Variants in IFT88 observed in about 807,000 individuals in gnomAD.
IFT88 encodes the protein intraflagellar transport protein 88 homolog.
Under a neutral mutation model 119.5 loss-of-function variants are expected in IFT88, and 74 were observed. The ratio of observed to expected loss-of-function variants is 0.62; its 90% CI spans 0.51 to 0.75. IFT88 has a LOEUF of 0.75. Among genes scored for constraint, IFT88 ranks in the 30% least tolerant of loss-of-function variants. The pLI is 0.00. For synonymous variants in IFT88, 279 were observed against 316.7 expected (o/e 0.88, Z 1.26); for missense variants, 961 against 977.7 (o/e 0.98, Z 0.23).
At chr13:20,607,484 A>G (rs1200486188) in intron 13 of IFT88, 1 of 679,922 alleles carries the variant, frequency 1.5e-6, no homozygotes, top group East Asian at 2.7e-5. Flanking sequence ...CCTGATGGCC[A>G]CGGTCACCAA....
chr13:20,576,527 T>C (rs975934699), intron 2 of IFT88, among the ~76,000 whole-genome samples: 3 of 152,208 alleles, frequency 2.0e-5, no homozygotes, highest in Non-Finnish European at 1.5e-5. Context: ...CCTTCATCCA[T>C]TTTTATTTGA....
intron 2 of IFT88, 110 bp from the exon 3 acceptor site, chr13:20,582,847 T>A: frequency 1.3e-6 from 1 of 755,216 alleles, no homozygotes; most frequent in Non-Finnish European, 2.2e-6. Context: ...TGTCAACAGT[T>A]GGCAATAGAT....
intron 1 of IFT88, among the ~76,000 whole-genome samples, chr13:20,572,511 G>A (rs1375548913): frequency 1.3e-5 from 2 of 152,084 alleles, no homozygotes; most frequent in Admixed American, 6.6e-5. Flanking sequence ...GAGCTACGGC[G>A]CCCGGCCTAA....
At chr13:20,569,898 A>C (rs985027842) in intron 1 of IFT88, among the ~76,000 whole-genome samples, 1 of 151,980 alleles carries the variant, frequency 6.6e-6, no homozygotes, top group Non-Finnish European at 1.5e-5. Context: ...TAAAAAAATT[A>C]GCCGGGCTTG....
At chr13:20,671,564 T>G (rs1367160244) in intron 24 of IFT88, among the ~76,000 whole-genome samples, 1 of 152,208 alleles carries the variant, frequency 6.6e-6, no homozygotes, top group East Asian at 1.9e-4. Flanking sequence ...TTTTGGTGAT[T>G]TCTGAAGTTC....
intron 23 of IFT88, among the ~76,000 whole-genome samples, chr13:20,667,953 T>G (rs2055024930): frequency 6.6e-6 from 1 of 152,204 alleles, no homozygotes; most frequent in South Asian, 2.1e-4. Flanking sequence ...TTCACACAGC[T>G]AAAACTACCC....
At chr13:20,658,016 T>G (rs1428981199) in intron 22 of IFT88, among the ~76,000 whole-genome samples, 1 of 151,994 alleles carries the variant, frequency 6.6e-6, no homozygotes. Flanking sequence ...CAATGCTGAT[T>G]AGAAGTAGAC....
chr13:20,661,072 T>C (rs2053700969), intron 22 of IFT88, among the ~76,000 whole-genome samples: 1 of 152,222 alleles, frequency 6.6e-6, no homozygotes, highest in South Asian at 2.1e-4. Context: ...ATACAACAGA[T>C]ATATCAACTT....
At chr13:20,597,633 A>G (rs1022122866) in intron 9 of IFT88, among the ~76,000 whole-genome samples, 6 of 151,718 alleles carry the variant, frequency 4.0e-5, no homozygotes, top group Admixed American at 3.9e-4. Flanking sequence ...AGTCCCAGCT[A>G]CTTGGGAGGC....
At chr13:20,674,890 T>A (rs941069297) in intron 24 of IFT88, among the ~76,000 whole-genome samples, 9 of 151,424 alleles carry the variant, frequency 5.9e-5, no homozygotes, top group Non-Finnish European at 1.0e-4. Context: ...ATTTTGGGTA[T>A]TTTTAGTAGA....
At chr13:20,666,370 A>C (rs2054683011) in intron 23 of IFT88, among the ~76,000 whole-genome samples, 1 of 152,226 alleles carries the variant, frequency 6.6e-6, no homozygotes, top group African/African-American at 2.4e-5. Flanking sequence ...ATGCTGTGCA[A>C]GTTTGTAAGC....
At chr13:20,683,432 G>A (rs1384337146) in intron 24 of IFT88, among the ~76,000 whole-genome samples, 1 of 152,088 alleles carries the variant, frequency 6.6e-6, no homozygotes, top group East Asian at 1.9e-4. Context: ...ATTAGAACTT[G>A]TGCTCCCCAT....
chr13:20,626,951 A>C (rs2047434258), intron 15 of IFT88, among the ~76,000 whole-genome samples: 1 of 152,196 alleles, frequency 6.6e-6, no homozygotes, highest in African/African-American at 2.4e-5. Context: ...CTATGCTTTC[A>C]GTTTATCTTC....
rs2497486 is a variant in IFT88, at chr13:20,626,121, C to T, written c.1299+272C>T. Among the ~76,000 whole-genome samples the T allele has an allele frequency of 0.25, 28,515 of 114,940 alleles. 3,480 individuals carry two copies. Among genetic ancestry groups the T allele is most frequent in the Middle Eastern group, 0.38 (66 of 172 alleles). 75.4% of individuals were successfully genotyped at this position (114,940 alleles called of 152,430 possible). A position where few individuals can be genotyped will look rare whatever the true frequency, so the allele number is the denominator to read the frequency against. ...TGTTGCCTAGGCTAGAGTGCAGTGG[C>T]GTGATCTACACTCACTGCAAGCTCT... is the stretch of plus-strand genomic sequence containing the variant. On this transcript the variant is annotated intron_variant, in intron 15 of 25. Coordinates refer to ENST00000351808, the MANE Select transcript of IFT88 (RefSeq NM_006531.5).
intron 13 of IFT88, among the ~76,000 whole-genome samples, chr13:20,610,948 G>T (rs545959491): frequency 9.9e-5 from 15 of 152,048 alleles, no homozygotes; most frequent in African/African-American, 3.6e-4. Context: ...AGACCAGCCT[G>T]GGCAACATGG....
chr13:20,680,070 C>A (rs1238391351), intron 24 of IFT88, among the ~76,000 whole-genome samples: 4 of 152,212 alleles, frequency 2.6e-5, no homozygotes, highest in Non-Finnish European at 4.4e-5. Flanking sequence ...TCTTCCCAAG[C>A]AAATACCTTC....
intron 2 of IFT88, among the ~76,000 whole-genome samples, chr13:20,579,938 T>G (rs2038215764): frequency 1.3e-5 from 2 of 152,202 alleles, no homozygotes; most frequent in South Asian, 4.1e-4. Context: ...CATTGAAACC[T>G]CCTCATTCTC....
At chr13:20,610,184 A>G (rs1437296290) in intron 13 of IFT88, among the ~76,000 whole-genome samples, 1 of 151,094 alleles carries the variant, frequency 6.6e-6, no homozygotes, top group South Asian at 2.1e-4. Context: ...CAGCTTACAT[A>G]TGGAACATTC....
At chr13:20,670,381 A>G (rs2055584412) in intron 23 of IFT88, among the ~76,000 whole-genome samples, 1 of 152,158 alleles carries the variant, frequency 6.6e-6, no homozygotes, top group Non-Finnish European at 1.5e-5. Flanking sequence ...GAAACCTAAC[A>G]ATGCCACAGT....
Sources: allele counts gnomAD v4.1 joint callset (sites outside exome capture counted in the v4.1 genomes callset), GRCh38; gene constraint gnomAD v4.1.1; transcripts MANE v1.5; gene names NCBI Gene and HGNC (gene_info 2026-07-23, HGNC 2026-07-21).